INTS13: variants seen among roughly 807,000 people sequenced by gnomAD.
The protein encoded by INTS13 is asunder, spermatogenesis regulator homolog (Drosphila).
INTS13 carries 35 observed loss-of-function variants against 90.2 expected under a neutral mutation model. The ratio of observed to expected loss-of-function variants is 0.39; its 90% CI spans 0.30 to 0.51. The LOEUF (loss-of-function observed/expected upper bound fraction) is 0.51. INTS13 is among the 20% of genes least tolerant of loss of function. The pLI is 0.80. For synonymous variants in INTS13, 309 were observed against 277.1 expected (o/e 1.11, Z -1.14); for missense variants, 601 against 851.2 (o/e 0.71, Z 3.66).
intron 2 of INTS13, among the ~76,000 whole-genome samples, chr12:26,935,647 C>T (rs989209149): frequency 3.9e-5 from 6 of 152,212 alleles, no homozygotes; most frequent in Admixed American, 2.6e-4. Flanking sequence ...AGGTCTGAAC[C>T]GAAGCCTGCG....
chr12:26,922,583 T>C, intron 8 of INTS13, 33 bp downstream of exon 8: 3 of 1,491,552 alleles, frequency 2.0e-6, no homozygotes, highest in Non-Finnish European at 1.8e-6. Flanking sequence ...ATATGTTAGA[T>C]CATACAAAAT....
At chr12:26,935,103 A>G (rs1348602397) in intron 2 of INTS13, among the ~76,000 whole-genome samples, 4 of 152,242 alleles carry the variant, frequency 2.6e-5, no homozygotes, top group Non-Finnish European at 4.4e-5. Context: ...CTAAGCATAT[A>G]CCCTGGAAAG....
chr12:26,932,103 A>AAC (rs1565836788), intron 3 of INTS13, among the ~76,000 whole-genome samples: 1 of 150,722 alleles, frequency 6.6e-6, no homozygotes, highest in Non-Finnish European at 1.5e-5. Context: ...AAAAAAAAAA[A>AAC]AACACTCATA....
chr12:26,925,394 T>A (rs537941980), intron 6 of INTS13, among the ~76,000 whole-genome samples: 10 of 152,224 alleles, frequency 6.6e-5, no homozygotes, highest in African/African-American at 2.4e-4. Flanking sequence ...ATGTGTAAAA[T>A]TAATTTTTTA....
At chr12:26,911,854 T>G (rs1475749076) in intron 14 of INTS13, among the ~76,000 whole-genome samples, 1 of 152,246 alleles carries the variant, frequency 6.6e-6, no homozygotes, top group Non-Finnish European at 1.5e-5. Flanking sequence ...TAAATGATAG[T>G]ACTTTTTCCC....
At chr12:26,913,826 T>A in intron 13 of INTS13, 139 bp from the exon 14 acceptor site, 2 of 1,102,808 alleles carry the variant, frequency 1.8e-6, no homozygotes, top group East Asian at 2.5e-5. Context: ...CTACAATATA[T>A]CCATTTCTAT....
intron 11 of INTS13, among the ~76,000 whole-genome samples, chr12:26,915,307 T>A (rs971569339): frequency 2.6e-5 from 4 of 152,300 alleles, no homozygotes; most frequent in African/African-American, 9.6e-5. Flanking sequence ...GATGAAATTA[T>A]AGGTAATTTA....
At chr12:26,928,391 T>A in intron 4 of INTS13, 106 bp from the exon 5 acceptor site, 1 of 886,922 alleles carries the variant, frequency 1.1e-6, no homozygotes, top group South Asian at 1.5e-5. Context: ...TTAAAGTTAC[T>A]TCACTAAGGA....
chr12:26,913,734 A>G (rs1320792807), intron 13 of INTS13, 47 bp from the exon 14 acceptor site: 1 of 1,467,536 alleles, frequency 6.8e-7, no homozygotes, highest in Admixed American at 1.9e-5. Flanking sequence ...TTGAAGTGTC[A>G]CTTTCTAGTG....
In INTS13 at chr12:26,924,483, A is replaced by G; in HGVS notation, c.676T>C (p.Leu226=). 6.2e-7 allele frequency: 1 copy of G among 1,600,086 alleles called. No homozygotes were observed. Among genetic ancestry groups the G allele is most frequent in the Non-Finnish European group, 8.5e-7 (1 of 1,173,344 alleles). ...ACTTCACTGGTTAAAACCGGGGACA[A>G]CTACAGAAAAACATACAAGAAAAAT... ...SLVSDRSKKE[L]SPVLTSEVHS... is the part of the protein sequence containing the mutation. Residue 226 remains leucine, a splice_region_variant and synonymous_variant, in exon 7 of 17, where the codon TTG becomes CTG. Coordinates refer to ENST00000261191, the MANE Select transcript of INTS13 (RefSeq NM_018164.3).
chr12:26,906,234 A>G, intron 16 of INTS13, 68 bp downstream of exon 16: 1 of 1,399,622 alleles, frequency 7.1e-7, no homozygotes, highest in Non-Finnish European at 9.7e-7. Context: ...TATTACAAAT[A>G]AGCAATGATT....
intron 9 of INTS13, 44 bp downstream of exon 9, chr12:26,917,600 G>T (rs183701464): frequency 6.5e-7 from 1 of 1,541,992 alleles, no homozygotes; most frequent in East Asian, 2.3e-5. Flanking sequence ...AATACCTTAA[G>T]AACCTTTTGA....
Position 26,911,048 on chromosome 12 carries a change from T to C in INTS13, c.1945+130A>G, listed in dbSNP as rs578149526. ...TGGGGTTTCACCATGCTGGCCAGGC[T>C]GGTCTTGAATTCCTGACCTCAGGTG... is the stretch of plus-strand genomic sequence containing the variant. On this transcript the variant is annotated intron_variant, in intron 15 of 16. Coordinates refer to ENST00000261191, the MANE Select transcript of INTS13 (RefSeq NM_018164.3). 15 of 968,934 alleles carry C rather than the reference T, an allele frequency of 1.5e-5. No homozygotes were observed. In the South Asian group the frequency reaches 2.8e-4, roughly 18 times the overall value. 60.0% of individuals were successfully genotyped at this position (968,934 alleles called of 1,614,324 possible).
Position 26,926,834 on chromosome 12 carries a change from C to T in INTS13, c.585-983G>A, listed in dbSNP as rs139002344. Among the ~76,000 whole-genome samples, 6 of 152,234 alleles carry T rather than the reference C, an allele frequency of 3.9e-5. No homozygotes were observed. In the East Asian group the frequency reaches 1.2e-3, roughly 29 times the overall value. ...GCAACTTTAGTGGGATCCTGGACAG[C>T]TCCCCAATGGGGTCTGGTCACCAGA... On this transcript the variant is annotated intron_variant, in intron 5 of 16. Coordinates refer to ENST00000261191, the MANE Select transcript of INTS13 (RefSeq NM_018164.3).
chr12:26,923,355 G>T (rs1349227240), intron 7 of INTS13, among the ~76,000 whole-genome samples: 3 of 152,050 alleles, frequency 2.0e-5, no homozygotes, highest in African/African-American at 4.8e-5. Context: ...CATCCAAAAG[G>T]TTCTACAGGG....
chr12:26,925,755 A>C lies in INTS13; in HGVS notation c.675+6T>G. On this transcript the variant is annotated splice_donor_region_variant and intron_variant, in intron 6 of 16. Coordinates refer to ENST00000261191, the MANE Select transcript of INTS13 (RefSeq NM_018164.3). The stretch of plus-strand genomic sequence containing the variant: ...TAGTCTTTTCTTTCATTATTTCAAC[A>C]CTCACCTCTTTTTTAGAACGATCAG... 1 of 1,598,814 alleles carries C rather than the reference A, an allele frequency of 6.3e-7. No homozygotes were observed. The highest frequency in any genetic ancestry group is 8.6e-7 in the Non-Finnish European group (1 of 1,167,990).
chr12:26,926,675 T>C (rs1181845550), intron 5 of INTS13, among the ~76,000 whole-genome samples: 1 of 152,248 alleles, frequency 6.6e-6, no homozygotes, highest in African/African-American at 2.4e-5. Context: ...AAAATCCTTG[T>C]AACTTCCTAA....
chr12:26,914,758 CTTTA>C (rs1161885634), intron 11 of INTS13, among the ~76,000 whole-genome samples, 180 bp from the exon 12 acceptor site: 3 of 152,286 alleles, frequency 2.0e-5, no homozygotes, highest in South Asian at 2.1e-4. Flanking sequence ...ACCTATCAGC[CTTTA>C]TATGATGAAA....
intron 3 of INTS13, among the ~76,000 whole-genome samples, chr12:26,929,503 T>G (rs1447375011): frequency 6.6e-6 from 1 of 150,682 alleles, no homozygotes; most frequent in Non-Finnish European, 1.5e-5. Flanking sequence ...GGACAATTGC[T>G]CGAGGCCAAG....
Sources: gnomAD v4.1 joint callset for allele counts (sites outside exome capture counted in the v4.1 genomes callset) on GRCh38, gnomAD v4.1.1 for gene constraint, MANE v1.5 for transcripts, NCBI Gene and HGNC (gene_info 2026-07-23, HGNC 2026-07-21) for gene names.